Variants in ROBO1 observed in about 807,000 individuals in gnomAD.
ROBO1 encodes the protein roundabout homolog 1.
In ROBO1, 149 loss-of-function variants were observed where a neutral mutation model predicts 195.9. The observed-to-expected ratio is 0.76, with a 90% CI of 0.67 to 0.87. The LOEUF (loss-of-function observed/expected upper bound fraction) is 0.87. Among genes scored for constraint, ROBO1 ranks in the 40% least tolerant of loss-of-function variants. The probability of loss-of-function intolerance (pLI) is 0.00; values close to 1 mark genes in which losing one functional copy is unlikely to be tolerated. For synonymous variants in ROBO1, 816 were observed against 733.2 expected, an observed-to-expected ratio of 1.11 and a Z score of -1.82; for missense variants, 1,933 against 2,068.3, an observed-to-expected ratio of 0.93 and a Z score of 1.27.
chr3:79,627,712 C>T (rs1945220887), intron 1 of ROBO1, among the ~76,000 whole-genome samples: 1 of 152,110 alleles, frequency 6.6e-6, no homozygotes, highest in South Asian at 2.1e-4. Context: ...AGTGAACAGG[C>T]AACCTACAGA....
At chr3:79,522,403 G>T (rs1301158769) in intron 2 of ROBO1, among the ~76,000 whole-genome samples, 1 of 149,982 alleles carries the variant, frequency 6.7e-6, no homozygotes, top group African/African-American at 2.5e-5. Flanking sequence ...TTTCTTTCAA[G>T]AAGTGATTGA....
intron 2 of ROBO1, among the ~76,000 whole-genome samples, chr3:79,562,344 C>A (rs1418666101): frequency 6.6e-6 from 1 of 151,986 alleles, no homozygotes; most frequent in Non-Finnish European, 1.5e-5. Context: ...AGTAGTACAG[C>A]AGAAAGCACA....
At chr3:78,937,161 A>C in intron 4 of ROBO1, among the ~76,000 whole-genome samples, 1 of 152,032 alleles carries the variant, frequency 6.6e-6, no homozygotes, top group East Asian at 1.9e-4. Flanking sequence ...AGGCTCTGGG[A>C]GAGTGATCAA....
intron 1 of ROBO1, among the ~76,000 whole-genome samples, chr3:79,670,881 T>C (rs1007544353): frequency 2.6e-5 from 4 of 151,868 alleles, no homozygotes; most frequent in Non-Finnish European, 5.9e-5. Context: ...TTTCACTATG[T>C]TGATTCTATA....
rs1011456982 is a variant in ROBO1, at chr3:78,897,781, A to G, written c.499+40820T>C. Among the ~76,000 whole-genome samples the G allele has an allele frequency of 3.3e-5, 5 of 152,232 alleles. No individual in the cohort carries two copies. The East Asian group carries it at 7.7e-4, about 24-fold the overall frequency. ...TAAACAAGAAGAAAACTTCATACCCATTGTTGAAAACTAAAAAGTAGTCTA... is the reference window on the plus strand; with the variant it reads ...TAAACAAGAAGAAAACTTCATACCCGTTGTTGAAAACTAAAAAGTAGTCTA... On this transcript the variant is annotated intron_variant, in intron 4 of 30. Transcript: ENST00000464233.
chr3:79,497,103 T>C (rs1455873351), intron 2 of ROBO1, among the ~76,000 whole-genome samples: 1 of 152,134 alleles, frequency 6.6e-6, no homozygotes, highest in Admixed American at 6.5e-5. Context: ...GGACAGGCTG[T>C]AGTTAGGGTG....
intron 3 of ROBO1, among the ~76,000 whole-genome samples, chr3:79,058,666 T>G (rs1427632569): frequency 6.6e-6 from 1 of 150,860 alleles, no homozygotes; most frequent in Non-Finnish European, 1.5e-5. Context: ...ACAATCAAAC[T>G]GTCCAATGCA....
At chr3:79,408,528 T>C (rs939087149) in intron 2 of ROBO1, among the ~76,000 whole-genome samples, 5 of 152,236 alleles carry the variant, frequency 3.3e-5, no homozygotes, top group Non-Finnish European at 7.4e-5. Flanking sequence ...TGATATAAAG[T>C]TAGATACTAG....
intron 4 of ROBO1, among the ~76,000 whole-genome samples, chr3:78,872,012 T>C (rs1171859802): frequency 2.6e-5 from 4 of 152,208 alleles, no homozygotes; most frequent in African/African-American, 9.6e-5. Flanking sequence ...TTTCTGTCAC[T>C]TGCTATGTTA....
intron 2 of ROBO1, among the ~76,000 whole-genome samples, chr3:79,221,166 C>G (rs1168216985): frequency 6.6e-6 from 1 of 152,028 alleles, no homozygotes; most frequent in Non-Finnish European, 1.5e-5. Context: ...CTTTCTTTTT[C>G]AGGCAGAGCA....
chr3:78,631,316 A>T lies in ROBO1; in HGVS notation c.3482-11T>A, dbSNP rs1489523865. The stretch of plus-strand genomic sequence containing the variant: ...TGTGCCCCTGACTCCCTAGAAAGGA[A>T]ATAAAATAGAAGCCATTGATCTCTG... On this transcript the variant is annotated splice_polypyrimidine_tract_variant and intron_variant, in intron 24 of 30. Transcript: ENST00000464233. 1 of 1,611,750 alleles carries T rather than the reference A, an allele frequency of 6.2e-7. No homozygotes were observed. The highest frequency in any genetic ancestry group is 1.1e-5 in the South Asian group (1 of 90,802).
Position 79,522,133 on chromosome 3 carries a change from C to A in ROBO1, c.88+67691G>T, listed in dbSNP as rs189114232. On this transcript the variant is annotated intron_variant, in intron 2 of 30. Transcript: ENST00000464233. ...TGTGGCTGTGCAACTCCAAAGAAAT[C>A]ATATTTGATAATTGTTTTGGTATAA... Among the ~76,000 whole-genome samples, 4 of 152,172 alleles carry A rather than the reference C, an allele frequency of 2.6e-5. No homozygotes were observed. In the East Asian group the frequency reaches 7.7e-4, roughly 29 times the overall value.
intron 2 of ROBO1, among the ~76,000 whole-genome samples, chr3:79,558,897 A>G (rs1345785995): frequency 6.6e-6 from 1 of 152,184 alleles, no homozygotes; most frequent in Non-Finnish European, 1.5e-5. Flanking sequence ...GGGACACAGC[A>G]TAGGAACTTC....
At chr3:79,567,772 C>G (rs1943138083) in intron 2 of ROBO1, among the ~76,000 whole-genome samples, 1 of 151,972 alleles carries the variant, frequency 6.6e-6, no homozygotes, top group African/African-American at 2.4e-5. Context: ...TATTTTGGTT[C>G]TCCCTTAATT....
intron 2 of ROBO1, among the ~76,000 whole-genome samples, chr3:79,376,942 T>C (rs1378816926): frequency 6.6e-6 from 1 of 152,118 alleles, no homozygotes; most frequent in Non-Finnish European, 1.5e-5. Flanking sequence ...CTTTCACTTA[T>C]ATAACAATAG....
intron 21 of ROBO1, among the ~76,000 whole-genome samples, chr3:78,644,012 A>G (rs1453610330): frequency 1.3e-5 from 2 of 152,074 alleles, no homozygotes; most frequent in African/African-American, 2.4e-5. Flanking sequence ...GAGGACTCAG[A>G]AAGTCTGAAA....
chr3:79,748,885 A>T (rs1207122093), intron 1 of ROBO1, among the ~76,000 whole-genome samples: 1 of 152,192 alleles, frequency 6.6e-6, no homozygotes, highest in Non-Finnish European at 1.5e-5. Context: ...AGTCTCAGGC[A>T]TGTCTTCATC....
At chr3:78,977,829 C>T (rs1417479617) in intron 3 of ROBO1, among the ~76,000 whole-genome samples, 2 of 152,012 alleles carry the variant, frequency 1.3e-5, no homozygotes, top group Admixed American at 6.6e-5. Context: ...GAAACTCTCA[C>T]CAGTCTCTGT....
At chr3:79,435,582 T>C (rs1255131142) in intron 2 of ROBO1, among the ~76,000 whole-genome samples, 2 of 152,168 alleles carry the variant, frequency 1.3e-5, no homozygotes, top group African/African-American at 2.4e-5. Context: ...GGAATTACCA[T>C]ATGTGCACAT....
Sources: gnomAD v4.1 joint callset for allele counts (sites outside exome capture counted in the v4.1 genomes callset) on GRCh38, gnomAD v4.1.1 for gene constraint, MANE v1.5 for transcripts, NCBI Gene and HGNC (gene_info 2026-07-23, HGNC 2026-07-21) for gene names.